The following CLEC16A variants were observed in gnomAD, a reference collection of about 807,000 sequenced individuals.
The protein encoded by CLEC16A is C-type lectin domain containing 16A, also known as protein CLEC16A.
Under a neutral mutation model 109.5 loss-of-function variants are expected in CLEC16A, and 51 were observed. The ratio of observed to expected loss-of-function variants is 0.47; its 90% confidence interval spans 0.37 to 0.59. The LOEUF is 0.59. Ranked by LOEUF, CLEC16A falls within the 20% of genes least tolerant of loss-of-function variation. The pLI, the probability that CLEC16A is intolerant of heterozygous loss-of-function variation, is 0.00. For missense variants in CLEC16A, 1,339 were observed against 1,394.0 expected (o/e 0.96, Z 0.63); for synonymous variants, 673 against 564.2 (o/e 1.19, Z -2.73).
intron 8 of CLEC16A, among the ~76,000 whole-genome samples, chr16:10,978,232 A>G (rs1242243743): frequency 2.0e-5 from 3 of 152,122 alleles, no homozygotes; most frequent in Non-Finnish European, 4.4e-5. Context: ...TGTCTCACCT[A>G]TCCCTCAGGT....
At chr16:11,150,606 C>A (rs950986344) in intron 22 of CLEC16A, among the ~76,000 whole-genome samples, 1 of 152,212 alleles carries the variant, frequency 6.6e-6, no homozygotes, top group African/African-American at 2.4e-5. Flanking sequence ...GAAGCACTTC[C>A]CTGTACTGTA....
chr16:10,995,446 T>C (rs1161271547), intron 10 of CLEC16A, among the ~76,000 whole-genome samples: 1 of 152,222 alleles, frequency 6.6e-6, no homozygotes, highest in African/African-American at 2.4e-5. Context: ...AGGCTGAGTC[T>C]AGCCCACTAA....
At position 10,971,020 on chromosome 16, in the gene CLEC16A, T is replaced by A. The variant is rs1297932065; in HGVS notation, c.493-105T>A. 1.5e-5 allele frequency: 9 copies of A among 606,962 alleles called. 1 individual carries two copies. The East Asian group carries it at 2.7e-4, about 19-fold the overall frequency. 37.6% of individuals were successfully genotyped at this position (606,962 alleles called of 1,614,324 possible). A position where few individuals can be genotyped will look rare whatever the true frequency, so the allele number is the denominator to read the frequency against. Reference sequence around the variant, plus strand: ...TCACATTGGCAACATTTTTTTTTTTTTTTTTGTCTTTTTCTGAAGTCTCTG... The same window carrying A: ...TCACATTGGCAACATTTTTTTTTTTATTTTTGTCTTTTTCTGAAGTCTCTG... On this transcript the variant is annotated intron_variant, in intron 4 of 23. Transcript: ENST00000409790.
At chr16:11,092,110 G>A (rs946913339) in intron 19 of CLEC16A, among the ~76,000 whole-genome samples, 4 of 152,130 alleles carry the variant, frequency 2.6e-5, no homozygotes, top group Non-Finnish European at 5.9e-5. Context: ...CACTTTGGGA[G>A]GCAGGTGGAC....
chr16:11,164,835 G>A (rs1597612398), intron 22 of CLEC16A, among the ~76,000 whole-genome samples: 1 of 152,358 alleles, frequency 6.6e-6, no homozygotes, highest in East Asian at 1.9e-4. Flanking sequence ...TTTCAAGAAA[G>A]GTGAGGTCAG....
chr16:10,948,824 G>T (rs1008772864), intron 1 of CLEC16A, among the ~76,000 whole-genome samples: 2 of 152,098 alleles, frequency 1.3e-5, no homozygotes, highest in Admixed American at 6.6e-5. Context: ...TTTCCTGTTG[G>T]TGTCATTTTC....
At chr16:10,998,297 G>C (rs1472677077) in intron 10 of CLEC16A, among the ~76,000 whole-genome samples, 1 of 152,136 alleles carries the variant, frequency 6.6e-6, no homozygotes, top group Non-Finnish European at 1.5e-5. Flanking sequence ...CCTCACCCCA[G>C]AAGCCAGCCC....
chr16:11,021,282 T>A (rs1167877833), intron 12 of CLEC16A, among the ~76,000 whole-genome samples: 1 of 152,248 alleles, frequency 6.6e-6, no homozygotes, highest in South Asian at 2.1e-4. Context: ...AGGGAGCCAT[T>A]TTTAGTTTTT....
chr16:11,077,828 A>T (rs2049467516), intron 19 of CLEC16A, among the ~76,000 whole-genome samples: 1 of 152,008 alleles, frequency 6.6e-6, no homozygotes, highest in Non-Finnish European at 1.5e-5. Context: ...TAAGAAATGT[A>T]CAGAATATGG....
chr16:11,039,995 A>T (rs1452691010), intron 14 of CLEC16A, 119 bp downstream of exon 14: 1 of 1,255,040 alleles, frequency 8.0e-7, no homozygotes, highest in Non-Finnish European at 1.1e-6. Context: ...GCCCATCCCA[A>T]CCTCTCCCTC....
chr16:10,945,004 A>G (rs2041277055), intron 1 of CLEC16A, among the ~76,000 whole-genome samples: 1 of 152,226 alleles, frequency 6.6e-6, no homozygotes, highest in African/African-American at 2.4e-5. Flanking sequence ...ACCTTGGACA[A>G]GTCGCTTAAT....
chr16:11,157,869 C>A (rs767415316), intron 22 of CLEC16A, among the ~76,000 whole-genome samples: 7 of 152,124 alleles, frequency 4.6e-5, no homozygotes, highest in Non-Finnish European at 1.0e-4. Flanking sequence ...GCTCCTAGCC[C>A]CCGCCTGCCC....
At chr16:11,001,330 C>T (rs892446402) in intron 10 of CLEC16A, among the ~76,000 whole-genome samples, 2 of 152,220 alleles carry the variant, frequency 1.3e-5, no homozygotes, top group African/African-American at 4.8e-5. Context: ...AAGTGATCCT[C>T]CCAGCTTGGT....
chr16:11,092,911 C>T (rs572154787), intron 19 of CLEC16A, among the ~76,000 whole-genome samples: 1 of 152,358 alleles, frequency 6.6e-6, no homozygotes, highest in East Asian at 1.9e-4. Context: ...TGTCGTTATC[C>T]TCATCATCAT....
At chr16:10,969,357 CTTT>C (rs759478746) in intron 4 of CLEC16A, 48 bp downstream of exon 4, 18,249 of 972,608 alleles carry the variant, frequency 0.019, no homozygotes, top group South Asian at 0.025. Flanking sequence ...CCACACGTGG[CTTT>C]TTTTTTTTTT....
chr16:11,051,751 A>G, intron 18 of CLEC16A, 110 bp downstream of exon 18: 1 of 1,372,236 alleles, frequency 7.3e-7, no homozygotes, highest in Admixed American at 2.0e-5. Flanking sequence ...CCCTCAACAC[A>G]GCTTAGACAG....
chr16:11,013,409 A>G (rs1483594733), intron 11 of CLEC16A, among the ~76,000 whole-genome samples: 2 of 151,942 alleles, frequency 1.3e-5, no homozygotes, highest in Non-Finnish European at 2.9e-5. Context: ...TGGGCGGATC[A>G]TTTGAAATCA....
chr16:11,067,165 T>G (rs2048808212), intron 19 of CLEC16A, among the ~76,000 whole-genome samples: 1 of 147,552 alleles, frequency 6.8e-6, no homozygotes, highest in Admixed American at 6.8e-5. Flanking sequence ...GGTTTTTTTT[T>G]TGGTTTTTTT....
intron 20 of CLEC16A, 62 bp downstream of exon 20, chr16:11,120,828 AC>A (rs1168152625): frequency 1.6e-6 from 2 of 1,254,930 alleles, no homozygotes; most frequent in African/African-American, 1.5e-5. Context: ...ACACACACAC[AC>A]ACACACACAC....
Sources: allele counts gnomAD v4.1 joint callset (sites outside exome capture counted in the v4.1 genomes callset), GRCh38; gene constraint gnomAD v4.1.1; transcripts MANE v1.5; gene names NCBI Gene and HGNC (gene_info 2026-07-23, HGNC 2026-07-21).